The following LYPLAL1 variants were observed in gnomAD, a reference collection of about 807,000 sequenced individuals.
LYPLAL1 encodes lysophospholipase like 1.
LYPLAL1 carries 23 observed loss-of-function variants against 19.7 expected under a neutral mutation model. The ratio of observed to expected loss-of-function variants is 1.17; its 90% CI spans 0.84 to 1.65. The LOEUF is 1.65. Ranked by LOEUF, LYPLAL1 falls within the 40% of genes most tolerant of loss-of-function variation. The pLI is 0.00. For synonymous variants in LYPLAL1, 119 were observed against 96.3 expected, an observed-to-expected ratio of 1.24 and a Z score of -1.38; for missense variants, 355 against 279.4, an observed-to-expected ratio of 1.27 and a Z score of -1.93.
the LYPLAL1 span, among the ~76,000 whole-genome samples, chr1:219,375,809 T>A: frequency 6.6e-6 from 1 of 150,408 alleles, no homozygotes; most frequent in Non-Finnish European, 1.5e-5. Flanking sequence ...TGGCGCGATC[T>A]CAGCTCACTG....
At chr1:219,174,993 G>T in intron 1 of LYPLAL1, 1 of 985,438 alleles carries the variant, frequency 1.0e-6, no homozygotes, top group Non-Finnish European at 1.2e-6. Flanking sequence ...CAGACTTTTC[G>T]AAGAAAGTGG....
At chr1:219,241,134 C>CTCTCTATATATATATATATATATATA in the LYPLAL1 span, among the ~76,000 whole-genome samples, 4 of 44,368 alleles carry the variant, frequency 9.0e-5, no homozygotes, top group Non-Finnish European at 8.6e-5. Flanking sequence ...CTCTCTCTCT[C>CTCTCTATATATATATATATATATATA]TATATATATA....
the LYPLAL1 span, among the ~76,000 whole-genome samples, chr1:219,267,886 G>C: frequency 7.2e-5 from 11 of 152,232 alleles, no homozygotes; most frequent in African/African-American, 2.6e-4. Flanking sequence ...CATTTAATCA[G>C]AATTTTCTTT....
At chr1:219,271,386 T>TC in the LYPLAL1 span, 1 of 151,810 alleles carries the variant, frequency 6.6e-6, no homozygotes, top group African/African-American at 2.4e-5. Flanking sequence ...TGAAGTGTTT[T>TC]TTTTTTTTTT....
At chr1:219,322,674 G>A in the LYPLAL1 span, among the ~76,000 whole-genome samples, 9 of 152,252 alleles carry the variant, frequency 5.9e-5, no homozygotes, top group Admixed American at 3.3e-4. Flanking sequence ...TAAATTGTGC[G>A]ATGCTAAGAA....
chr1:219,334,566 C>T, the LYPLAL1 span, among the ~76,000 whole-genome samples: 1 of 141,960 alleles, frequency 7.0e-6, no homozygotes, highest in Non-Finnish European at 1.6e-5. Context: ...TGTGTTTAAT[C>T]TGCATTTGCA....
the LYPLAL1 span, among the ~76,000 whole-genome samples, chr1:219,370,596 G>A: frequency 5.1e-4 from 78 of 152,164 alleles, no homozygotes; most frequent in Non-Finnish European, 9.7e-4. Context: ...AAACAACTTC[G>A]GGAGATAGAA....
the LYPLAL1 span, chr1:219,411,997 GAGA>G: frequency 2.0e-5 from 3 of 152,608 alleles, no homozygotes; most frequent in Non-Finnish European, 4.4e-5. Flanking sequence ...ATGTGCTTAG[GAGA>G]AGTATTGTGT....
the LYPLAL1 span, among the ~76,000 whole-genome samples, chr1:219,441,926 C>T: frequency 6.6e-6 from 1 of 152,100 alleles, no homozygotes; most frequent in Non-Finnish European, 1.5e-5. Flanking sequence ...TGTCCCATCC[C>T]CACTGCAAAG....
the LYPLAL1 span, among the ~76,000 whole-genome samples, chr1:219,365,321 G>T: frequency 6.6e-6 from 1 of 152,130 alleles, no homozygotes; most frequent in Non-Finnish European, 1.5e-5. Flanking sequence ...ACTTTCATAT[G>T]TGGATTAATT....
chr1:219,333,363 G>A, the LYPLAL1 span, among the ~76,000 whole-genome samples: 1 of 151,980 alleles, frequency 6.6e-6, no homozygotes, highest in Non-Finnish European at 1.5e-5. Flanking sequence ...TAACATCACA[G>A]TCTATGTAAA....
At chr1:219,273,535 C>G in the LYPLAL1 span, 2 of 152,148 alleles carry the variant, frequency 1.3e-5, no homozygotes, top group South Asian at 4.1e-4. Context: ...AATTAAATGG[C>G]TAATGACGGA....
the LYPLAL1 span, among the ~76,000 whole-genome samples, chr1:219,229,227 A>T: frequency 6.7e-6 from 1 of 150,170 alleles, no homozygotes. Context: ...AATGATACGG[A>T]AGCGGGGAAG....
intron 2 of LYPLAL1, among the ~76,000 whole-genome samples, chr1:219,186,614 T>C (rs182460851): frequency 1.3e-5 from 2 of 151,940 alleles, no homozygotes; most frequent in East Asian, 3.9e-4. Flanking sequence ...TTAATAAAAA[T>C]ATAGTATATC....
chr1:219,444,928 A>G, the LYPLAL1 span, among the ~76,000 whole-genome samples: 2 of 152,146 alleles, frequency 1.3e-5, no homozygotes, highest in East Asian at 3.9e-4. Flanking sequence ...ATTTACTCAC[A>G]CAGAACACAA....
intron 3 of LYPLAL1, among the ~76,000 whole-genome samples, chr1:219,201,301 C>T (rs908226712): frequency 6.6e-6 from 1 of 150,834 alleles, no homozygotes; most frequent in Non-Finnish European, 1.5e-5. Context: ...AATAAATTTT[C>T]TACTGGTTTT....
In LYPLAL1 at chr1:219,211,869, A is replaced by AC; in HGVS notation, c.*142dup. ...ATTATTAAAATGCTTATCACTGTAGACAGTAGCTAATCTTATTAATGAAAA... is the reference window on the plus strand; with the variant it reads ...ATTATTAAAATGCTTATCACTGTAGACCAGTAGCTAATCTTATTAATGAAAA... On this transcript the variant is annotated 3_prime_UTR_variant, in exon 5 of 5. Coordinates refer to ENST00000366928, the MANE Select transcript of LYPLAL1 (RefSeq NM_138794.5). 1.9e-6 allele frequency: 1 copy of AC among 527,308 alleles called. No individual in the cohort carries two copies. The highest frequency in any genetic ancestry group is 3.3e-6 in the Non-Finnish European group (1 of 306,086). 32.7% of individuals were successfully genotyped at this position (527,308 alleles called of 1,614,324 possible). A position where few individuals can be genotyped will look rare whatever the true frequency, so the allele number is the denominator to read the frequency against.
At chr1:219,362,714 A>G in the LYPLAL1 span, among the ~76,000 whole-genome samples, 1 of 152,242 alleles carries the variant, frequency 6.6e-6, no homozygotes, top group Non-Finnish European at 1.5e-5. Flanking sequence ...AAAGTGATAT[A>G]GTGTAAGACG....
chr1:219,200,818 A>G (rs1658037329), intron 3 of LYPLAL1, among the ~76,000 whole-genome samples: 3 of 152,244 alleles, frequency 2.0e-5, no homozygotes. Context: ...TATATATGGC[A>G]AGGTCTGGAA....
Sources: allele counts gnomAD v4.1 joint callset (sites outside exome capture counted in the v4.1 genomes callset), GRCh38; gene constraint gnomAD v4.1.1; transcripts MANE v1.5; gene names NCBI Gene and HGNC (gene_info 2026-07-23, HGNC 2026-07-21).